BBS9: variants seen among roughly 807,000 people sequenced by gnomAD.
The protein encoded by BBS9 is protein PTHB1.
Under a neutral mutation model 117.7 loss-of-function variants are expected in BBS9, and 89 were observed. The ratio of observed to expected loss-of-function variants is 0.76; its 90% confidence interval spans 0.64 to 0.90. The LOEUF is 0.90. BBS9 is among the 40% of genes least tolerant of loss of function. BBS9 has a pLI of 0.00. For synonymous variants in BBS9, 379 were observed against 370.9 expected, an observed-to-expected ratio of 1.02 and a Z score of -0.25; for missense variants, 982 against 1,042.2, an observed-to-expected ratio of 0.94 and a Z score of 0.80.
At chr7:33,527,523 G>A (rs1343357292) in intron 20 of BBS9, among the ~76,000 whole-genome samples, 5 of 152,092 alleles carry the variant, frequency 3.3e-5, no homozygotes, top group African/African-American at 9.7e-5. Context: ...AGGTGCGTCC[G>A]TCACCCCTTT....
At chr7:33,593,278 C>T (rs1862223690) in intron 21 of BBS9, among the ~76,000 whole-genome samples, 1 of 152,088 alleles carries the variant, frequency 6.6e-6, no homozygotes, top group Non-Finnish European at 1.5e-5. Flanking sequence ...CTTTCTTTTC[C>T]TCCCCACCTT....
intron 19 of BBS9, among the ~76,000 whole-genome samples, chr7:33,501,352 C>A (rs1172905996): frequency 6.6e-6 from 1 of 152,126 alleles, no homozygotes; most frequent in Non-Finnish European, 1.5e-5. Context: ...TTCATGCTGG[C>A]CAGTAGGTCA....
chr7:33,612,687 T>G (rs1864940390), intron 21 of BBS9, among the ~76,000 whole-genome samples: 1 of 152,034 alleles, frequency 6.6e-6, no homozygotes, highest in African/African-American at 2.4e-5. Context: ...CCATCAAAGC[T>G]CATCTGCTAG....
chr7:33,294,456 G>A (rs901268789), intron 9 of BBS9, among the ~76,000 whole-genome samples: 2 of 152,006 alleles, frequency 1.3e-5, no homozygotes, highest in Admixed American at 6.6e-5. Context: ...AGTGTGAGTG[G>A]CTTGCCAGAG....
At chr7:33,335,941 G>C (rs1421256460) in intron 9 of BBS9, among the ~76,000 whole-genome samples, 1 of 151,590 alleles carries the variant, frequency 6.6e-6, no homozygotes, top group Non-Finnish European at 1.5e-5. Flanking sequence ...TTTTTTTTTC[G>C]CAAGACCTCC....
At chr7:33,417,042 T>G (rs1832121453) in intron 19 of BBS9, among the ~76,000 whole-genome samples, 1 of 152,208 alleles carries the variant, frequency 6.6e-6, no homozygotes. Flanking sequence ...TCAAGTAGTT[T>G]CCAGTCTAGT....
chr7:33,323,992 C>T (rs1003011599), intron 9 of BBS9, among the ~76,000 whole-genome samples: 1 of 151,950 alleles, frequency 6.6e-6, no homozygotes, highest in African/African-American at 2.4e-5. Flanking sequence ...CAGGTGCCAC[C>T]ACACCTGGCT....
chr7:33,613,844 A>G (rs938174537), intron 21 of BBS9, among the ~76,000 whole-genome samples: 1 of 152,038 alleles, frequency 6.6e-6, no homozygotes, highest in Non-Finnish European at 1.5e-5. Flanking sequence ...AAGACATATC[A>G]TGAATAACAC....
At position 33,273,811 on chromosome 7, in the gene BBS9, T is replaced by C. The variant is rs765841810; in HGVS notation, c.887-16T>C. 13 of 1,603,924 alleles carry C rather than the reference T, an allele frequency of 8.1e-6. No individual in the cohort carries two copies. In the South Asian group the frequency reaches 1.4e-4, roughly 18 times the overall value. ...CTGTTTTCTTAGTGTCTCTTTTCTG[T>C]ATTTTCAACTTACAGTTTCTGAAGG... On this transcript the variant is annotated splice_polypyrimidine_tract_variant and intron_variant, in intron 8 of 22. Coordinates refer to ENST00000242067, the MANE Select transcript of BBS9 (RefSeq NM_198428.3).
At chr7:33,230,543 A>G (rs1166480198) in intron 5 of BBS9, among the ~76,000 whole-genome samples, 2 of 152,188 alleles carry the variant, frequency 1.3e-5, no homozygotes, top group African/African-American at 2.4e-5. Flanking sequence ...ATTGCACCCA[A>G]CAGGTAGTTT....
At chr7:33,239,203 TATA>T (rs565159854) in intron 5 of BBS9, among the ~76,000 whole-genome samples, 8 of 152,076 alleles carry the variant, frequency 5.3e-5, no homozygotes, top group Non-Finnish European at 1.2e-4. Flanking sequence ...TTGCATAATT[TATA>T]ATAATAATAA....
In BBS9 at chr7:33,340,911, A is replaced by G; in HGVS notation, c.1213A>G (p.Thr405Ala). 1 of 1,613,546 alleles carries G rather than the reference A, an allele frequency of 6.2e-7. No homozygotes were observed. The highest frequency in any genetic ancestry group is 8.5e-7 in the Non-Finnish European group (1 of 1,179,618). Reference protein sequence around the residue: ...VNKSQGVWPMTEREDDLNVSV... With the variant: ...VNKSQGVWPMAEREDDLNVSV... ...TTAAATCACAGGTGTTTGGCCCATG[A>G]CTGAGAGAGAAGATGACTTGAACGT... The change falls in exon 11 of 23, where the codon ACT becomes GCT. Residue 405 changes from threonine to alanine, a missense_variant. Transcript: ENST00000242067.
At chr7:33,570,133 A>G (rs1169180175) in intron 21 of BBS9, among the ~76,000 whole-genome samples, 2 of 152,208 alleles carry the variant, frequency 1.3e-5, no homozygotes, top group African/African-American at 4.8e-5. Flanking sequence ...AAATAGTAAT[A>G]GCACCTTCTT....
At chr7:33,458,710 A>T (rs1408169115) in intron 19 of BBS9, among the ~76,000 whole-genome samples, 1 of 152,136 alleles carries the variant, frequency 6.6e-6, no homozygotes, top group African/African-American at 2.4e-5. Flanking sequence ...GCCCAAGGGG[A>T]GTACACTGCA....
Position 33,264,297 on chromosome 7 carries a change from G to C in BBS9, c.625G>C (p.Val209Leu). Residue 209 changes from valine (V) to leucine (L), a missense_variant, in exon 7 of 23, where the codon GTA becomes CTA. By Grantham distance (32) the Val-to-Leu change is conservative (BLOSUM62 1). Transcript: ENST00000242067. The stretch of plus-strand genomic sequence containing the variant: ...TAAATTTCTTTCATACAGGTACCAG[G>C]TACTTGCTTTTGCAACAGATGCAGA... Reference protein sequence around the residue: ...CQQVESYKYQVLAFATDADKR... With the variant: ...CQQVESYKYQLLAFATDADKR... The C allele has an allele frequency of 6.5e-7, 1 of 1,542,748 alleles. No homozygotes were observed. Among genetic ancestry groups the C allele is most frequent in the Non-Finnish European group, 8.8e-7 (1 of 1,142,852 alleles).
At chr7:33,414,019 C>G (rs548107378) in intron 19 of BBS9, among the ~76,000 whole-genome samples, 2 of 152,052 alleles carry the variant, frequency 1.3e-5, no homozygotes, top group East Asian at 3.9e-4. Flanking sequence ...AGCAAAACTC[C>G]CTCTCAAAAC....
intron 21 of BBS9, among the ~76,000 whole-genome samples, chr7:33,558,127 C>T (rs530901574): frequency 3.3e-5 from 5 of 152,296 alleles, no homozygotes; most frequent in Middle Eastern, 3.4e-3. Context: ...TTATTGAATA[C>T]GTACTCTGTG....
chr7:33,518,528 C>T (rs1042324985), intron 20 of BBS9, among the ~76,000 whole-genome samples: 3 of 152,008 alleles, frequency 2.0e-5, no homozygotes, highest in East Asian at 3.9e-4. Flanking sequence ...GGATTACAGG[C>T]GTGAGCCACC....
chr7:33,479,129 T>G (rs1222372109), intron 19 of BBS9, among the ~76,000 whole-genome samples: 1 of 152,170 alleles, frequency 6.6e-6, no homozygotes, highest in Non-Finnish European at 1.5e-5. Context: ...AGGGTGTACA[T>G]GTGCAGATTT....
Sources: allele counts gnomAD v4.1 joint callset (sites outside exome capture counted in the v4.1 genomes callset), GRCh38; gene constraint gnomAD v4.1.1; transcripts MANE v1.5; gene names NCBI Gene and HGNC (gene_info 2026-07-23, HGNC 2026-07-21).